The following CCDC102B variants were observed in gnomAD, a reference collection of about 807,000 sequenced individuals.
CCDC102B encodes the protein coiled-coil domain-containing protein 102B.
In CCDC102B, 75 loss-of-function variants were observed where a neutral mutation model predicts 57.4. The ratio of observed to expected loss-of-function variants is 1.31; its 90% CI spans 1.08 to 1.58. The LOEUF is 1.58. Ranked by LOEUF, CCDC102B falls within the 40% of genes most tolerant of loss-of-function variation. CCDC102B has a pLI of 0.00. For synonymous variants in CCDC102B, 206 were observed against 201.9 expected (o/e 1.02, Z -0.17); for missense variants, 636 against 582.6 (o/e 1.09, Z -0.94).
rs78905179 is a variant in CCDC102B at position 68,845,750 on chromosome 18, A to C, written c.828-563A>C. ...TAGTTCTGTTGCTAGTTCTACAAAT[A>C]GAGAAATTAATTTCAGTCCTTTAGA... On this transcript the variant is annotated intron_variant, in intron 3 of 7. Coordinates refer to ENST00000360242, the MANE Select transcript of CCDC102B (RefSeq NM_024781.3). 1.2e-3 allele frequency among the ~76,000 whole-genome samples: 188 copies of C among 152,010 alleles called. 1 individual carries two copies. Among genetic ancestry groups the C allele is most frequent in the South Asian group, 2.7e-3 (13 of 4,834 alleles).
intron 7 of CCDC102B, among the ~76,000 whole-genome samples, chr18:69,042,992 G>A (rs989609572): frequency 3.3e-5 from 5 of 152,064 alleles, no homozygotes; most frequent in Non-Finnish European, 7.4e-5. Context: ...GCATATGGAG[G>A]ATCCCGCCAG....
chr18:68,924,282 A>T (rs1429869681), intron 6 of CCDC102B, among the ~76,000 whole-genome samples: 1 of 151,980 alleles, frequency 6.6e-6, no homozygotes, highest in African/African-American at 2.4e-5. Flanking sequence ...AACCAGGTGG[A>T]GGTAATTGAA....
At position 68,836,870 on chromosome 18, in the gene CCDC102B, C is replaced by A. The variant is rs757086801; in HGVS notation, c.107C>A (p.Pro36His). The A allele has an allele frequency of 6.2e-7, 1 of 1,614,116 alleles. No homozygotes were observed. Among genetic ancestry groups the A allele is most frequent in the Admixed American group, 1.7e-5 (1 of 59,994 alleles). Residue 36 changes from proline to histidine, a missense_variant, in exon 2 of 8, where the codon CCC (proline) becomes CAC (histidine). Pro to His is a moderately conservative substitution (Grantham distance 77). Transcript: ENST00000360242. The stretch of plus-strand genomic sequence containing the variant: ...GACATGGTGGCACCTGCCTCACCCC[C>A]CAGGGATACCTGTAATACCTGCTTC... ...RGDMVAPASP[P>H]RDTCNTCFPL... is the part of the protein sequence containing the mutation.
At chr18:68,880,031 C>T (rs565289411) in intron 5 of CCDC102B, among the ~76,000 whole-genome samples, 73 of 152,246 alleles carry the variant, frequency 4.8e-4, no homozygotes, top group African/African-American at 1.0e-3. Flanking sequence ...TGGGATTGGG[C>T]GCTGTGGAGC....
At chr18:69,056,375 G>C (rs2052814826), downstream of CCDC102B, among the ~76,000 whole-genome samples, 1 of 151,986 alleles carries the variant, frequency 6.6e-6, no homozygotes, top group Non-Finnish European at 1.5e-5. Context: ...AGTTGGCTGT[G>C]GTCAAAATGG....
chr18:68,987,827 C>A (rs976343212), intron 6 of CCDC102B, among the ~76,000 whole-genome samples: 1 of 152,026 alleles, frequency 6.6e-6, no homozygotes, highest in Non-Finnish European at 1.5e-5. Flanking sequence ...CAGAGAAATG[C>A]AAATCAAAAC....
At chr18:68,716,907 T>C (rs1335065255) in intron 2 of CCDC102B, among the ~76,000 whole-genome samples, 11 of 151,474 alleles carry the variant, frequency 7.3e-5, no homozygotes, top group Admixed American at 2.6e-4. Flanking sequence ...TGAAACCCCG[T>C]CTCTACTAAG....
chr18:68,900,655 C>G (rs886962551), intron 6 of CCDC102B, among the ~76,000 whole-genome samples: 1 of 151,954 alleles, frequency 6.6e-6, no homozygotes, highest in Non-Finnish European at 1.5e-5. Flanking sequence ...CTTTTTGAAT[C>G]TCCATGTTTT....
At chr18:68,869,560 C>T (rs2039148485) in intron 4 of CCDC102B, among the ~76,000 whole-genome samples, 1 of 152,174 alleles carries the variant, frequency 6.6e-6, no homozygotes, top group Non-Finnish European at 1.5e-5. Context: ...AGCTCCAAGA[C>T]TGGATAAAAG....
intron 6 of CCDC102B, among the ~76,000 whole-genome samples, chr18:68,900,995 A>G (rs924807387): frequency 1.3e-5 from 2 of 152,168 alleles, no homozygotes; most frequent in Non-Finnish European, 2.9e-5. Context: ...AATCAGTTGT[A>G]TGGCCATGGA....
At chr18:68,836,660 C>CAAA in intron 1 of CCDC102B, 89 bp from the exon 2 acceptor site, 12 of 700,032 alleles carry the variant, frequency 1.7e-5, no homozygotes, top group African/African-American at 1.2e-4. Context: ...CATCAATTTT[C>CAAA]AAAAAAAAAA....
At chr18:68,752,489 A>C (rs1243686613) in intron 2 of CCDC102B, among the ~76,000 whole-genome samples, 1 of 151,742 alleles carries the variant, frequency 6.6e-6, no homozygotes, top group African/African-American at 2.4e-5. Flanking sequence ...GAAAAAAAAA[A>C]AAAACAAGCA....
At chr18:68,857,473 T>C (rs2144865425) in intron 4 of CCDC102B, among the ~76,000 whole-genome samples, 1 of 143,208 alleles carries the variant, frequency 7.0e-6, no homozygotes, top group Non-Finnish European at 1.5e-5. Flanking sequence ...CATTAAAAAA[T>C]TATTGTAGAC....
At chr18:68,952,904 T>C (rs752174356) in intron 6 of CCDC102B, among the ~76,000 whole-genome samples, 48 of 152,270 alleles carry the variant, frequency 3.2e-4, no homozygotes, top group Middle Eastern at 3.4e-3. Context: ...CTACTGATAC[T>C]CTTGTACATG....
intron 6 of CCDC102B, among the ~76,000 whole-genome samples, chr18:68,983,651 G>T (rs17240415): frequency 0.24 from 35,825 of 151,610 alleles, 4,951 homozygotes; most frequent in South Asian, 0.34. Context: ...ATTTATGGAG[G>T]TATCCACTAA....
intron 2 of CCDC102B, among the ~76,000 whole-genome samples, chr18:68,765,830 T>TTTTC (rs879406972): frequency 2.3e-4 from 35 of 152,134 alleles, no homozygotes; most frequent in African/African-American, 8.0e-4. Context: ...AACTCATACT[T>TTTTC]TTTCTTTCTT....
At position 68,913,310 on chromosome 18, in the gene CCDC102B, C is replaced by CTGTGTGTGTGTGTGTGTGTGTG. The variant is rs57064090; in HGVS notation, c.1263+15895_1263+15916dup. Among the ~76,000 whole-genome samples, 170 of 135,590 alleles carry CTGTGTGTGTGTGTGTGTGTGTG rather than the reference C, an allele frequency of 1.3e-3. 4 individuals carry two copies. The highest frequency in any genetic ancestry group is 2.6e-3 in the Admixed American group (35 of 13,304). 89.0% of individuals were successfully genotyped at this position (135,590 alleles called of 152,430 possible). ...TAATTTTCCATTGGATGGTTAGTGT[C>CTGTGTGTGTGTGTGTGTGTGTG]TGTGTGTGTGTGTGTGTGTGTGTGT... On this transcript the variant is annotated intron_variant, in intron 6 of 7. Transcript: ENST00000360242.
At chr18:68,978,301 A>G (rs765831485) in intron 6 of CCDC102B, among the ~76,000 whole-genome samples, 49 of 152,124 alleles carry the variant, frequency 3.2e-4, no homozygotes, top group Middle Eastern at 3.4e-3. Flanking sequence ...AGAGATAATT[A>G]TGCTGTTTCT....
chr18:68,744,186 T>G (rs2033522943), intron 2 of CCDC102B, among the ~76,000 whole-genome samples: 1 of 152,226 alleles, frequency 6.6e-6, no homozygotes. Flanking sequence ...TATGCTCTGT[T>G]GAAATTCTTA....
Sources: allele counts gnomAD v4.1 joint callset (sites outside exome capture counted in the v4.1 genomes callset), GRCh38; gene constraint gnomAD v4.1.1; transcripts MANE v1.5; gene names NCBI Gene and HGNC (gene_info 2026-07-23, HGNC 2026-07-21).